Variants in EHBP1 observed in about 807,000 individuals in gnomAD.
EHBP1 encodes EH domain-binding protein 1.
EHBP1 carries 55 observed loss-of-function variants against 144.0 expected under a neutral mutation model. The ratio of observed to expected loss-of-function variants is 0.38; its 90% CI spans 0.31 to 0.48. The LOEUF (loss-of-function observed/expected upper bound fraction) is 0.48. EHBP1 is among the 20% of genes least tolerant of loss of function. The pLI is 0.98. For missense variants in EHBP1, 1,200 were observed against 1,364.2 expected (o/e 0.88, Z 1.90); for synonymous variants, 469 against 472.7 (o/e 0.99, Z 0.10).
chr2:62,819,753 G>A (rs1450520108), intron 5 of EHBP1, among the ~76,000 whole-genome samples: 10 of 147,168 alleles, frequency 6.8e-5, no homozygotes. Context: ...GACAGAGCGA[G>A]ACTCCAGCTC....
At chr2:62,920,406 A>G (rs142259723) in intron 10 of EHBP1, among the ~76,000 whole-genome samples, 1,661 of 152,324 alleles carry the variant, frequency 0.011, 13 homozygotes, top group Non-Finnish European at 0.019. Context: ...GGGAGAAATT[A>G]AGACATTCTC....
chr2:62,777,160 C>A (rs746920338), intron 5 of EHBP1, among the ~76,000 whole-genome samples: 1 of 152,098 alleles, frequency 6.6e-6, no homozygotes, highest in Non-Finnish European at 1.5e-5. Context: ...TTTGTAGAGA[C>A]GGAGTCTCCC....
chr2:62,693,477 T>A (rs183354802), intron 1 of EHBP1, among the ~76,000 whole-genome samples: 16 of 152,330 alleles, frequency 1.1e-4, no homozygotes, highest in Admixed American at 2.6e-4. Context: ...ATCTGTTGGT[T>A]ATTTTTTCAC....
rs70962802 is a variant in EHBP1 at position 63,043,920 on chromosome 2, C to CTTTTTTT, written c.3278-1101_3278-1095dup. The CTTTTTTT allele has an allele frequency of 6.4e-4, 6 of 9,404 alleles. 3 individuals carry two copies. Among genetic ancestry groups the CTTTTTTT allele is most frequent in the East Asian group, 5.2e-3 (2 of 386 alleles). 0.6% of individuals were successfully genotyped at this position (9,404 alleles called of 1,614,324 possible). A position where few individuals can be genotyped will look rare whatever the true frequency, so the allele number is the denominator to read the frequency against. On this transcript the variant is annotated intron_variant, in intron 21 of 22. Coordinates refer to ENST00000431489, the MANE Select transcript of EHBP1 (RefSeq NM_001142616.3). ...GCTGCAGGAGTCAGTGGCCATGGTT[C>CTTTTTTT]TTTTTTTTTTTTTTTTTTTTTTTTT...
At position 62,967,134 on chromosome 2, in the gene EHBP1, AG is replaced by A. The variant is rs1412776067; in HGVS notation, c.2460+11476del. On this transcript the variant is annotated intron_variant, in intron 14 of 22. Coordinates refer to ENST00000431489, the MANE Select transcript of EHBP1 (RefSeq NM_001142616.3). ...GATCGTGGCATGTGTGCATTGATCC[AG>A]GTCCGCCATCTGGCTGTGTGTGATA... Among the ~76,000 whole-genome samples, 38 of 152,202 alleles carry A rather than the reference AG, an allele frequency of 2.5e-4. 2 individuals carry two copies. Among genetic ancestry groups the A allele is most frequent in the Admixed American group, 2.5e-3 (38 of 15,266 alleles).
intron 10 of EHBP1, among the ~76,000 whole-genome samples, chr2:62,923,882 A>T (rs552770040): frequency 2.0e-5 from 3 of 152,216 alleles, no homozygotes; most frequent in African/African-American, 7.2e-5. Context: ...AGCTGACTGC[A>T]TCATGGCCCT....
chr2:62,846,476 A>G (rs1412978643), intron 7 of EHBP1, among the ~76,000 whole-genome samples: 5 of 152,208 alleles, frequency 3.3e-5, no homozygotes, highest in Non-Finnish European at 5.9e-5. Flanking sequence ...CAAAGTTTCA[A>G]TAGAAGAGAA....
rs555494268 is a variant in EHBP1, at chr2:62,757,426, C to CTTTTTTTTTTTTTTTTTTTT, written c.163-6821_163-6820insTTTTTTTTTTTTTTTTTTTT. On this transcript the variant is annotated intron_variant, in intron 3 of 22. Coordinates refer to ENST00000431489, the MANE Select transcript of EHBP1 (RefSeq NM_001142616.3). ...TCATTTCTTTCTTTCTTTTTTTTTTCTTTTTTTTTTTTTTTTTTTGAGGCA... is the reference window on the plus strand; with the variant it reads ...TCATTTCTTTCTTTCTTTTTTTTTTCTTTTTTTTTTTTTTTTTTTTTTTTTTTTTTTTTTTTTTTGAGGCA... 3.1e-4 allele frequency among the ~76,000 whole-genome samples: 35 copies of CTTTTTTTTTTTTTTTTTTTT among 113,034 alleles called. 1 individual carries two copies. Among genetic ancestry groups the CTTTTTTTTTTTTTTTTTTTT allele is most frequent in the African/African-American group, 4.1e-4 (12 of 29,022 alleles). The allele number at this position is 113,034 out of a possible 152,430, so 74.2% of individuals were successfully genotyped here. A position where few individuals can be genotyped will look rare whatever the true frequency, so the allele number is the denominator to read the frequency against.
Position 62,948,966 on chromosome 2 carries a change from C to A in EHBP1, c.2120C>A (p.Ser707Tyr), listed in dbSNP as rs1478096570. 1.2e-6 allele frequency: 2 copies of A among 1,613,798 alleles called. No homozygotes were observed. The highest frequency in any genetic ancestry group is 1.7e-6 in the Non-Finnish European group (2 of 1,179,946). The change falls in exon 13 of 23, where the codon TCC becomes TAC. Residue 707 changes from serine (S) to tyrosine (Y), a missense_variant. By Grantham distance (144) the Ser-to-Tyr change is moderately radical. Transcript: ENST00000431489. ...LEKEKLENSR[S>Y]LECRSDPESP... ...AAAGAAAAATTAGAGAATTCCAGAT[C>A]CTTAGAATGCAGATCAGATCCAGAA...
chr2:62,727,234 G>A (rs889265376), intron 2 of EHBP1, among the ~76,000 whole-genome samples: 2 of 150,416 alleles, frequency 1.3e-5, no homozygotes, highest in Admixed American at 6.6e-5. Flanking sequence ...TTTCCACCTT[G>A]TTCCACCCAA....
intron 1 of EHBP1, among the ~76,000 whole-genome samples, chr2:62,696,508 CTTTTTTTTTTTTTT>C (rs869081763): frequency 3.9e-5 from 3 of 76,752 alleles, no homozygotes; most frequent in African/African-American, 1.1e-4. Flanking sequence ...TTTTTTTCTT[CTTTTTTTTTTTTTT>C]TTTTTTTTTG....
intron 2 of EHBP1, among the ~76,000 whole-genome samples, chr2:62,713,792 T>C (rs2035394076): frequency 6.6e-6 from 1 of 152,260 alleles, no homozygotes; most frequent in Non-Finnish European, 1.5e-5. Flanking sequence ...AAATGCTAAA[T>C]TGATGTTACT....
chr2:62,882,744 T>G (rs986122024), intron 10 of EHBP1, among the ~76,000 whole-genome samples: 21 of 152,066 alleles, frequency 1.4e-4, no homozygotes, highest in African/African-American at 5.1e-4. Flanking sequence ...TAGCCAGGTG[T>G]GGTGGCGCAT....
intron 3 of EHBP1, among the ~76,000 whole-genome samples, chr2:62,750,890 C>T (rs2039636283): frequency 6.6e-6 from 1 of 152,072 alleles, no homozygotes; most frequent in Non-Finnish European, 1.5e-5. Flanking sequence ...TGGGCTGAGA[C>T]AAATGGGGTT....
intron 5 of EHBP1, among the ~76,000 whole-genome samples, chr2:62,822,090 T>G (rs1015894184): frequency 2.6e-5 from 4 of 151,566 alleles, no homozygotes; most frequent in Non-Finnish European, 5.9e-5. Flanking sequence ...TAACCAAAAG[T>G]TTTTTTTTAA....
chr2:62,706,416 T>C (rs1161049687), intron 1 of EHBP1: 1 of 152,288 alleles, frequency 6.6e-6, no homozygotes. Flanking sequence ...CCCATCCATT[T>C]CCTCCCTCCG....
rs1001153448 is a variant in EHBP1, at chr2:62,705,856, T to A, written c.-492T>A. 2.1e-4 allele frequency: 3 copies of A among 14,072 alleles called. No individual in the cohort carries two copies. The East Asian group carries it at 7.4e-3, about 34-fold the overall frequency. The allele number at this position is 14,072 out of a possible 1,614,324, so 0.9% of individuals were successfully genotyped here. ...GCGGGGCGATCTGTCAGGGAGGGGG[T>A]GGGCGTGAGGGGCGCCGTCCGCCTG... On this transcript the variant is annotated 5_prime_UTR_variant, in exon 1 of 23. Coordinates refer to ENST00000431489, the MANE Select transcript of EHBP1 (RefSeq NM_001142616.3).
intron 4 of EHBP1, among the ~76,000 whole-genome samples, chr2:62,770,282 A>G (rs2041555173): frequency 6.6e-6 from 1 of 152,244 alleles, no homozygotes; most frequent in African/African-American, 2.4e-5. Flanking sequence ...ACAAAGGTCT[A>G]ATATCCAGCA....
chr2:62,785,939 A>G (rs561975152), intron 5 of EHBP1, among the ~76,000 whole-genome samples: 1 of 151,624 alleles, frequency 6.6e-6, no homozygotes, highest in African/African-American at 2.4e-5. Context: ...TAGTGATCTC[A>G]TTTTTCTGAC....
Sources: allele counts gnomAD v4.1 joint callset (sites outside exome capture counted in the v4.1 genomes callset), GRCh38; gene constraint gnomAD v4.1.1; transcripts MANE v1.5; gene names NCBI Gene and HGNC (gene_info 2026-07-23, HGNC 2026-07-21).